The following CSMD1 variants were observed in gnomAD, a reference collection of about 807,000 sequenced individuals.
CSMD1 encodes CUB and sushi domain-containing protein 1.
Under a neutral mutation model 417.5 loss-of-function variants are expected in CSMD1, and 213 were observed. The observed-to-expected ratio is 0.51, with a 90% CI of 0.46 to 0.57. The LOEUF (loss-of-function observed/expected upper bound fraction) is 0.57. CSMD1 is among the 20% of genes least tolerant of loss of function. The pLI, the probability that CSMD1 is intolerant of heterozygous loss-of-function variation, is 0.00. For synonymous variants in CSMD1, 2,862 were observed against 1,736.8 expected, an observed-to-expected ratio of 1.65 and a Z score of -16.11; for missense variants, 6,923 against 4,529.7, an observed-to-expected ratio of 1.53 and a Z score of -15.17.
intron 5 of CSMD1, among the ~76,000 whole-genome samples, chr8:3,939,896 A>G (rs1810759315): frequency 6.6e-6 from 1 of 152,068 alleles, no homozygotes; most frequent in Non-Finnish European, 1.5e-5. Context: ...ATGAAAGACT[A>G]CATATTGGGT....
rs553218419 is a variant in CSMD1, at chr8:3,972,081, G to C, written c.818+25822C>G. On this transcript the variant is annotated intron_variant, in intron 5 of 69. Transcript: ENST00000635120. ...AGACAGGGGCTCTGTATGTTGCCCA[G>C]GCTGATCCTGACTTCCTGGGCTCAA... Among the ~76,000 whole-genome samples, 15 of 152,186 alleles carry C rather than the reference G, an allele frequency of 9.9e-5. No homozygotes were observed. The East Asian group carries it at 2.1e-3, about 22-fold the overall frequency.
At chr8:3,674,608 T>G (rs1260606758) in intron 7 of CSMD1, among the ~76,000 whole-genome samples, 6 of 152,128 alleles carry the variant, frequency 3.9e-5, no homozygotes, top group Non-Finnish European at 8.8e-5. Context: ...CTCCAGATTC[T>G]AGATATTAAT....
intron 3 of CSMD1, among the ~76,000 whole-genome samples, chr8:4,293,609 A>T (rs926349774): frequency 1.3e-5 from 2 of 152,198 alleles, no homozygotes; most frequent in African/African-American, 4.8e-5. Flanking sequence ...GAACTAAGCA[A>T]TACTGCAATC....
intron 10 of CSMD1, among the ~76,000 whole-genome samples, chr8:3,506,190 AG>A (rs1433586533): frequency 6.6e-6 from 1 of 152,148 alleles, no homozygotes; most frequent in African/African-American, 2.4e-5. Context: ...GAACACCCCC[AG>A]CCCCAGGACG....
intron 1 of CSMD1, among the ~76,000 whole-genome samples, chr8:4,705,772 T>C (rs553098538): frequency 1.2e-3 from 184 of 152,326 alleles, no homozygotes; most frequent in African/African-American, 4.2e-3. Context: ...GACTGAATAA[T>C]TGATAACATT....
At chr8:3,597,527 T>A (rs925443502) in intron 8 of CSMD1, among the ~76,000 whole-genome samples, 4 of 152,150 alleles carry the variant, frequency 2.6e-5, no homozygotes, top group African/African-American at 9.7e-5. Flanking sequence ...AGCCACATGT[T>A]TTTCTCACCA....
intron 5 of CSMD1, among the ~76,000 whole-genome samples, chr8:3,838,940 T>TG (rs1298592515): frequency 9.6e-4 from 93 of 96,388 alleles, no homozygotes; most frequent in African/African-American, 4.2e-3. Context: ...TTATATATAA[T>TG]AAAAAATTAA....
At chr8:4,698,704 C>G (rs946704567) in intron 1 of CSMD1, among the ~76,000 whole-genome samples, 17 of 150,420 alleles carry the variant, frequency 1.1e-4, no homozygotes, top group Non-Finnish European at 1.5e-5. Context: ...TACGGGGGAG[C>G]ATTTTCCTTC....
chr8:3,870,621 A>G (rs1805417552), intron 5 of CSMD1, among the ~76,000 whole-genome samples: 1 of 152,154 alleles, frequency 6.6e-6, no homozygotes, highest in African/African-American at 2.4e-5. Flanking sequence ...ATGTTTATGA[A>G]TCTTACAGGT....
At chr8:4,856,030 C>T (rs1801779828) in intron 1 of CSMD1, among the ~76,000 whole-genome samples, 1 of 152,026 alleles carries the variant, frequency 6.6e-6, no homozygotes, top group African/African-American at 2.4e-5. Context: ...TCGGGTTACC[C>T]TCAAAAGGAA....
intron 1 of CSMD1, among the ~76,000 whole-genome samples, chr8:4,935,668 G>T (rs1305992145): frequency 6.6e-6 from 1 of 152,304 alleles, no homozygotes; most frequent in South Asian, 2.1e-4. Flanking sequence ...TGTAACTAAA[G>T]AAACGAGTTT....
At position 3,096,904 on chromosome 8, in the gene CSMD1, G is replaced by T; in HGVS notation, c.7083C>A (p.Ile2361=). ...IKVEPNYNIT[I]FVDTFQSEKQ... is the part of the protein sequence containing the mutation. ...TTTCACTTTGAAATGTGTCCACAAA[G>T]ATGGTAATGTTGTAGTTTGGTTCCA... is the stretch of plus-strand genomic sequence containing the variant. Residue 2361 remains isoleucine (I), a synonymous_variant, in exon 47 of 70, where the codon ATC becomes ATA. Coordinates refer to ENST00000635120, the MANE Select transcript of CSMD1 (RefSeq NM_033225.6). The T allele has an allele frequency of 1.9e-6, 3 of 1,557,474 alleles. No individual in the cohort carries two copies. The highest frequency in any genetic ancestry group is 2.6e-6 in the Non-Finnish European group (3 of 1,149,380).
At chr8:4,755,209 G>C (rs905883809) in intron 1 of CSMD1, among the ~76,000 whole-genome samples, 1 of 152,182 alleles carries the variant, frequency 6.6e-6, no homozygotes, top group Non-Finnish European at 1.5e-5. Context: ...AAAATCTCAT[G>C]TCCACGCAGT....
intron 12 of CSMD1, among the ~76,000 whole-genome samples, chr8:3,420,243 G>A (rs551378728): frequency 1.3e-5 from 2 of 151,980 alleles, no homozygotes; most frequent in African/African-American, 4.8e-5. Flanking sequence ...CTAACCACAA[G>A]AAAAGCATCA....
At chr8:4,644,602 G>C (rs978399063) in intron 1 of CSMD1, among the ~76,000 whole-genome samples, 2 of 152,168 alleles carry the variant, frequency 1.3e-5, no homozygotes, top group African/African-American at 4.8e-5. Flanking sequence ...AGACAGGGTT[G>C]TTCACCGTGT....
rs149145459 is a variant in CSMD1 at position 3,527,039 on chromosome 8, T to G, written c.1345-33313A>C. ...TACTCAGAATGTGGCTGGGCTGCAG[T>G]TGTCGTATGCATGCCGGGTCAGTGC... On this transcript the variant is annotated intron_variant, in intron 10 of 69. Coordinates refer to ENST00000635120, the MANE Select transcript of CSMD1 (RefSeq NM_033225.6). 4.9e-3 allele frequency among the ~76,000 whole-genome samples: 747 copies of G among 152,208 alleles called. 5 individuals are homozygous for G. The highest frequency in any genetic ancestry group is 0.017 in the African/African-American group (713 of 41,504).
chr8:3,571,309 A>G (rs1799933024), intron 10 of CSMD1, among the ~76,000 whole-genome samples: 1 of 152,178 alleles, frequency 6.6e-6, no homozygotes. Context: ...GATGGACAGT[A>G]GGCACCTTGC....
At chr8:3,615,681 C>G (rs1802102249) in intron 8 of CSMD1, among the ~76,000 whole-genome samples, 1 of 152,182 alleles carries the variant, frequency 6.6e-6, no homozygotes, top group Non-Finnish European at 1.5e-5. Context: ...AACATTCCTT[C>G]TTTCCTCTCT....
At chr8:4,960,856 TAATAA>T (rs1157326823) in intron 1 of CSMD1, among the ~76,000 whole-genome samples, 1 of 152,156 alleles carries the variant, frequency 6.6e-6, no homozygotes, top group African/African-American at 2.4e-5. Flanking sequence ...AGTTATATAA[TAATAA>T]AATGTTTATT....
Sources: gnomAD v4.1 joint callset for allele counts (sites outside exome capture counted in the v4.1 genomes callset) on GRCh38, gnomAD v4.1.1 for gene constraint, MANE v1.5 for transcripts, NCBI Gene and HGNC (gene_info 2026-07-23, HGNC 2026-07-21) for gene names.